The following BCAS3 variants were observed in gnomAD, a reference collection of about 807,000 sequenced individuals.
BCAS3 encodes the protein BCAS3 microtubule associated cell migration factor.
Under a neutral mutation model 116.1 loss-of-function variants are expected in BCAS3, and 53 were observed. That is an observed-to-expected ratio of 0.46 (90% CI 0.37 to 0.57). The LOEUF is 0.57. BCAS3 is among the 20% of genes least tolerant of loss of function. The pLI is 0.00. For missense variants in BCAS3, 917 were observed against 1,165.4 expected, an observed-to-expected ratio of 0.79 and a Z score of 3.10; for synonymous variants, 391 against 408.2, an observed-to-expected ratio of 0.96 and a Z score of 0.51.
intron 6 of BCAS3, 65 bp from the exon 7 acceptor site, chr17:60,807,939 A>G (rs1341276885): frequency 8.6e-7 from 1 of 1,159,502 alleles, no homozygotes; most frequent in Non-Finnish European, 1.3e-6. Context: ...TGAAAGCATG[A>G]AAATAGTGGG....
chr17:61,178,632 A>G lies in BCAS3; in HGVS notation c.2425+94068A>G, dbSNP rs76042457. On this transcript the variant is annotated intron_variant, in intron 22 of 23. Transcript: ENST00000407086. ...TAGTCATTGTTATCTAATTCATTTAACAATGTTACAATACAAATGTATAAT... is the reference window on the plus strand; with the variant it reads ...TAGTCATTGTTATCTAATTCATTTAGCAATGTTACAATACAAATGTATAAT... Among the ~76,000 whole-genome samples, 1,286 of 152,328 alleles carry G rather than the reference A, an allele frequency of 8.4e-3. 12 individuals are homozygous for G. Among genetic ancestry groups the G allele is most frequent in the Non-Finnish European group, 0.013 (883 of 68,016 alleles).
At chr17:61,212,243 G>A (rs971492105) in intron 22 of BCAS3, among the ~76,000 whole-genome samples, 1 of 151,934 alleles carries the variant, frequency 6.6e-6, no homozygotes, top group Non-Finnish European at 1.5e-5. Flanking sequence ...TTTTATTTAC[G>A]TATTTATTTT....
intron 14 of BCAS3, among the ~76,000 whole-genome samples, chr17:60,957,762 C>A (rs2061216600): frequency 6.6e-6 from 1 of 152,156 alleles, no homozygotes; most frequent in East Asian, 1.9e-4. Context: ...CTTCTCTAAT[C>A]TTCAAGTTAC....
intron 9 of BCAS3, among the ~76,000 whole-genome samples, chr17:60,888,027 C>G (rs1402764982): frequency 1.3e-5 from 2 of 152,158 alleles, no homozygotes; most frequent in Non-Finnish European, 2.9e-5. Context: ...AACCCCTTCA[C>G]TTGTTTTCAG....
At chr17:61,154,837 T>G (rs536579982) in intron 22 of BCAS3, among the ~76,000 whole-genome samples, 2 of 152,316 alleles carry the variant, frequency 1.3e-5, no homozygotes, top group African/African-American at 4.8e-5. Flanking sequence ...GGAATTACAT[T>G]TATTGTAAAT....
intron 7 of BCAS3, among the ~76,000 whole-genome samples, chr17:60,834,237 ATATTT>A (rs1446238688): frequency 6.6e-6 from 1 of 152,026 alleles, no homozygotes; most frequent in Non-Finnish European, 1.5e-5. Flanking sequence ...TTAGAACAGG[ATATTT>A]TATTGTCTTC....
chr17:60,947,286 T>C lies in BCAS3; in HGVS notation c.1155T>C (p.Pro385=). The change falls in exon 14 of 24, where the codon CCT becomes CCC. Residue 385 remains proline (P), a synonymous_variant. Coordinates refer to ENST00000407086, the MANE Select transcript of BCAS3 (RefSeq NM_017679.5). Reference sequence around the variant, plus strand: ...ATGTCTTCCAAATTCTGACTCATCCTTGGTCCTCATCACAATGTGCTGTCC... The same window carrying C: ...ATGTCTTCCAAATTCTGACTCATCCCTGGTCCTCATCACAATGTGCTGTCC... ...DFHVFQILTH[P]WSSSQCAVHH... 6.2e-7 allele frequency: 1 copy of C among 1,612,976 alleles called. No homozygotes were observed. Among genetic ancestry groups the C allele is most frequent in the South Asian group, 1.1e-5 (1 of 91,066 alleles).
intron 4 of BCAS3, among the ~76,000 whole-genome samples, chr17:60,694,156 G>A (rs1265886971): frequency 6.6e-6 from 1 of 150,960 alleles, no homozygotes; most frequent in Non-Finnish European, 1.5e-5. Flanking sequence ...AAAGTGCTGG[G>A]ATTACAGGCG....
chr17:60,974,614 G>A (rs2062179004), intron 14 of BCAS3, among the ~76,000 whole-genome samples: 2 of 152,098 alleles, frequency 1.3e-5, no homozygotes, highest in Admixed American at 1.3e-4. Flanking sequence ...GGCCTAATTG[G>A]TTTCTGATTA....
At position 61,077,925 on chromosome 17, in the gene BCAS3, G is replaced by A. The variant is rs541941847; in HGVS notation, c.2131-408G>A. Among the ~76,000 whole-genome samples the A allele has an allele frequency of 6.6e-6, 1 of 152,258 alleles. No individual in the cohort carries two copies. Among genetic ancestry groups the A allele is most frequent in the African/African-American group, 2.4e-5 (1 of 41,546 alleles). On this transcript the variant is annotated intron_variant, in intron 20 of 23. Coordinates refer to ENST00000407086, the MANE Select transcript of BCAS3 (RefSeq NM_017679.5). The surrounding 1 kb of genome is among the most constrained non-coding windows in gnomAD (Gnocchi z 4.3). ...TTGCTTTTAATCTGTGGATTAATAG[G>A]TGTAGTATTCAGTGCATGCCCACAA...
At chr17:61,003,437 T>C (rs572238731) in intron 15 of BCAS3, among the ~76,000 whole-genome samples, 39 of 147,974 alleles carry the variant, frequency 2.6e-4, no homozygotes, top group Non-Finnish European at 7.4e-5. Flanking sequence ...TCCTTTTTTT[T>C]CTTTCCTTTC....
intron 14 of BCAS3, among the ~76,000 whole-genome samples, chr17:60,959,432 C>T (rs2061309619): frequency 6.6e-6 from 1 of 151,964 alleles, no homozygotes; most frequent in African/African-American, 2.4e-5. Context: ...TGAACAAAAC[C>T]ATTAAGAGAA....
In BCAS3 at chr17:60,967,272, A is replaced by G. The variant is rs1489826728; in HGVS notation, c.1221+19920A>G. 6.6e-6 allele frequency among the ~76,000 whole-genome samples: 1 copy of G among 152,152 alleles called. No individual in the cohort carries two copies. Among genetic ancestry groups the G allele is most frequent in the Non-Finnish European group, 1.5e-5 (1 of 68,030 alleles). ...ATTTGTTTTTGTTTGTCTCAGAAAT[A>G]CTTTATTTCCCCTTCATATTTCAAG... On this transcript the variant is annotated intron_variant, in intron 14 of 23. Transcript: ENST00000407086. The surrounding 1 kb of genome is among the most constrained non-coding windows in gnomAD (Gnocchi z 4.7).
Position 61,380,870 on chromosome 17 carries a change from T to C in BCAS3, c.2594-11107T>C, listed in dbSNP as rs974317811. ...GAGCAGGGAGGTCACTAGGCTCTAATGCATTTACCATTGACTGCCCCTCTT... is the reference window on the plus strand; with the variant it reads ...GAGCAGGGAGGTCACTAGGCTCTAACGCATTTACCATTGACTGCCCCTCTT... On this transcript the variant is annotated intron_variant, in intron 23 of 23. Transcript: ENST00000407086. The surrounding 1 kb of genome is among the most constrained non-coding windows in gnomAD (Gnocchi z 4.2). Among the ~76,000 whole-genome samples, 1 of 152,258 alleles carries C rather than the reference T, an allele frequency of 6.6e-6. No individual in the cohort carries two copies. The highest frequency in any genetic ancestry group is 1.5e-5 in the Non-Finnish European group (1 of 68,044).
chr17:60,689,781 T>G lies in BCAS3; in HGVS notation c.214+20T>G, dbSNP rs772469029. ...TAAATGGTATGGTTTTAACTTTTTT[T>G]GGGACGTGTGAATTAATTGTTTGTT... On this transcript the variant is annotated intron_variant, in intron 4 of 23. Coordinates refer to ENST00000407086, the MANE Select transcript of BCAS3 (RefSeq NM_017679.5). The G allele has an allele frequency of 2.6e-6, 4 of 1,522,270 alleles. No homozygotes were observed. The highest frequency in any genetic ancestry group is 3.6e-6 in the Non-Finnish European group (4 of 1,099,224). 94.3% of individuals were successfully genotyped at this position (1,522,270 alleles called of 1,614,324 possible). A position where few individuals can be genotyped will look rare whatever the true frequency, so the allele number is the denominator to read the frequency against.
At chr17:60,898,478 G>A (rs1399888012) in intron 10 of BCAS3, among the ~76,000 whole-genome samples, 1 of 152,038 alleles carries the variant, frequency 6.6e-6, no homozygotes, top group Non-Finnish European at 1.5e-5. Context: ...ATCATTAGGG[G>A]TATTTATTAT....
chr17:60,701,112 C>T (rs141478483), intron 4 of BCAS3, among the ~76,000 whole-genome samples: 135 of 151,992 alleles, frequency 8.9e-4, no homozygotes, highest in African/African-American at 3.0e-3. Flanking sequence ...GGCGTGGTGA[C>T]GCACATCTGT....
intron 4 of BCAS3, among the ~76,000 whole-genome samples, chr17:60,707,646 G>A (rs1406062883): frequency 6.6e-6 from 1 of 152,174 alleles, no homozygotes; most frequent in Non-Finnish European, 1.5e-5. Context: ...CATAAATATG[G>A]TGTTAGCTTA....
At chr17:61,297,854 G>A (rs1197706332) in intron 22 of BCAS3, among the ~76,000 whole-genome samples, 2 of 152,148 alleles carry the variant, frequency 1.3e-5, no homozygotes, top group Non-Finnish European at 2.9e-5. Flanking sequence ...TTTCTCTATA[G>A]CCAAGTATTT....
Sources: allele counts gnomAD v4.1 joint callset (sites outside exome capture counted in the v4.1 genomes callset), GRCh38; gene constraint gnomAD v4.1.1; non-coding constraint Gnocchi (gnomAD v3.1); transcripts MANE v1.5; gene names NCBI Gene and HGNC (gene_info 2026-07-23, HGNC 2026-07-21).